GNG2: variants seen among roughly 807,000 people sequenced by gnomAD.
The protein encoded by GNG2 is G protein subunit gamma 2.
In GNG2, 5 loss-of-function variants were observed where a neutral mutation model predicts 5.5. The ratio of observed to expected loss-of-function variants is 0.91; its 90% confidence interval spans 0.48 to 1.92. The LOEUF (loss-of-function observed/expected upper bound fraction) is 1.92. GNG2 is among the 30% of genes most tolerant of loss of function. The pLI, the probability that GNG2 is intolerant of heterozygous loss-of-function variation, is 0.01. For missense variants in GNG2, 55 were observed against 88.4 expected (o/e 0.62, Z 1.52); for synonymous variants, 28 against 32.0 (o/e 0.88, Z 0.42).
intron 2 of GNG2, among the ~76,000 whole-genome samples, chr14:51,906,171 T>C (rs1885901992): frequency 6.6e-6 from 1 of 152,268 alleles, no homozygotes; most frequent in East Asian, 1.9e-4. Context: ...CAAGAATTTT[T>C]ACTCTCTGCC....
chr14:51,829,733 C>T (rs562704898), intron 2 of GNG2, among the ~76,000 whole-genome samples: 7 of 152,134 alleles, frequency 4.6e-5, no homozygotes. Flanking sequence ...TCCACCACTC[C>T]AATTCTGCTC....
At chr14:51,913,170 A>G (rs1031529808) in intron 2 of GNG2, 1 of 152,120 alleles carries the variant, frequency 6.6e-6, no homozygotes. Flanking sequence ...CCTGTAATGT[A>G]TGTTTATGTT....
chr14:51,836,782 G>T, intron 2 of GNG2, among the ~76,000 whole-genome samples: 1 of 149,448 alleles, frequency 6.7e-6, no homozygotes, highest in East Asian at 1.9e-4. Context: ...AAACCTTAAT[G>T]CTAACCTATC....
In GNG2 at chr14:51,866,611, A is replaced by G. The variant is rs192518370; in HGVS notation, c.-71+5821A>G. On this transcript the variant is annotated intron_variant, in intron 1 of 3. Transcript: ENST00000556766. ...ACTTCTATGGGCTGGAAAGTCCAAG[A>G]TCAAGGTACTGGCAGATTTGATGTC... is the stretch of plus-strand genomic sequence containing the variant. Among the ~76,000 whole-genome samples the G allele has an allele frequency of 1.6e-4, 24 of 152,216 alleles. 1 individual carries two copies. The East Asian group carries it at 3.7e-3, about 23-fold the overall frequency.
intron 2 of GNG2, among the ~76,000 whole-genome samples, chr14:51,910,855 G>C (rs1041200109): frequency 4.6e-5 from 7 of 152,214 alleles, no homozygotes; most frequent in African/African-American, 1.7e-4. Flanking sequence ...AATGTAAAAA[G>C]CCCATGGCAG....
At chr14:51,931,381 A>G (rs1048179009) in intron 2 of GNG2, among the ~76,000 whole-genome samples, 2 of 152,148 alleles carry the variant, frequency 1.3e-5, no homozygotes, top group Admixed American at 1.3e-4. Context: ...GGAAAAGAAG[A>G]GTTTGGTTTG....
At chr14:51,897,350 C>T (rs1463692841) in intron 2 of GNG2, among the ~76,000 whole-genome samples, 1 of 152,126 alleles carries the variant, frequency 6.6e-6, no homozygotes, top group Non-Finnish European at 1.5e-5. Flanking sequence ...TTTGTAATGT[C>T]AGGCAGCTGT....
chr14:51,949,260 G>T (rs1441809717), intron 2 of GNG2, among the ~76,000 whole-genome samples: 1 of 152,088 alleles, frequency 6.6e-6, no homozygotes, highest in African/African-American at 2.4e-5. Flanking sequence ...GTTACAGAGA[G>T]TTATACCTAA....
intron 1 of GNG2, among the ~76,000 whole-genome samples, chr14:51,871,923 A>G (rs1213338936): frequency 6.6e-6 from 1 of 152,222 alleles, no homozygotes; most frequent in African/African-American, 2.4e-5. Context: ...TCCACTTCCC[A>G]GTCTGCTTTG....
At position 51,966,735 on chromosome 14, in the gene GNG2, G is replaced by A; in HGVS notation, c.*48G>A. 3.2e-6 allele frequency: 5 copies of A among 1,577,580 alleles called. No homozygotes were observed. Among genetic ancestry groups the A allele is most frequent in the Non-Finnish European group, 4.4e-6 (5 of 1,147,786 alleles). ...GCCTCCGGGCTCCTGGGACATTGAT[G>A]TAGAGTTTTTAGTGAAGTGGGCACC... On this transcript the variant is annotated 3_prime_UTR_variant, in exon 4 of 4. Transcript: ENST00000556766.
intron 2 of GNG2, among the ~76,000 whole-genome samples, chr14:51,855,079 C>A (rs1028102421): frequency 6.6e-6 from 1 of 152,158 alleles, no homozygotes; most frequent in Non-Finnish European, 1.5e-5. Flanking sequence ...TCACCGATAG[C>A]CTCCCCAGGA....
intron 3 of GNG2, among the ~76,000 whole-genome samples, chr14:51,958,416 C>G (rs1346419662): frequency 1.4e-5 from 2 of 142,438 alleles, no homozygotes; most frequent in East Asian, 4.1e-4. Flanking sequence ...GTCATACAAT[C>G]AGTCTGTCTC....
At chr14:51,855,076 T>C (rs942229887) in intron 2 of GNG2, among the ~76,000 whole-genome samples, 3 of 152,174 alleles carry the variant, frequency 2.0e-5, no homozygotes, top group Admixed American at 2.0e-4. Flanking sequence ...TCATCACCGA[T>C]AGCCTCCCCA....
At chr14:51,959,459 TAATCCATTAGAA>T (rs1456127379) in intron 3 of GNG2, among the ~76,000 whole-genome samples, 1 of 152,170 alleles carries the variant, frequency 6.6e-6, no homozygotes, top group Non-Finnish European at 1.5e-5. Context: ...ACTGTGCATC[TAATCCATTAGAA>T]AATCCTGGTG....
chr14:51,891,934 C>T lies in GNG2; in HGVS notation c.-30+14277C>T, dbSNP rs74993039. Among the ~76,000 whole-genome samples the T allele has an allele frequency of 4.1e-3, 627 of 152,252 alleles. 8 individuals carry two copies. The highest frequency in any genetic ancestry group is 0.011 in the South Asian group (55 of 4,818). ...TTCACATTCAGGAGTTTTTCTAGGACGTATACTTTGGAGTTCAGTTGCTAA... is the reference window on the plus strand; with the variant it reads ...TTCACATTCAGGAGTTTTTCTAGGATGTATACTTTGGAGTTCAGTTGCTAA... On this transcript the variant is annotated intron_variant, in intron 2 of 3. Coordinates refer to ENST00000556766, the MANE Select transcript of GNG2 (RefSeq NM_053064.5).
intron 2 of GNG2, among the ~76,000 whole-genome samples, chr14:51,842,647 A>T (rs1881514625): frequency 6.6e-6 from 1 of 151,060 alleles, no homozygotes; most frequent in Admixed American, 6.6e-5. Context: ...CCTTTTTCAG[A>T]GTACAGTTAT....
intron 2 of GNG2, among the ~76,000 whole-genome samples, chr14:51,948,405 C>T (rs7160163): frequency 0.059 from 9,042 of 152,264 alleles, 531 homozygotes; most frequent in East Asian, 0.28. Flanking sequence ...TTTGGTAATT[C>T]TGTGATAGTC....
intron 2 of GNG2, among the ~76,000 whole-genome samples, chr14:51,948,874 C>G (rs1888796907): frequency 6.6e-6 from 1 of 152,038 alleles, no homozygotes; most frequent in East Asian, 1.9e-4. Context: ...GTAATCGCAG[C>G]ACTTTGGGAG....
intron 2 of GNG2, among the ~76,000 whole-genome samples, chr14:51,923,920 C>A (rs973225551): frequency 6.6e-6 from 1 of 152,110 alleles, no homozygotes; most frequent in African/African-American, 2.4e-5. Flanking sequence ...TCAGCAGGAA[C>A]GGGCAACAAA....
Sources: allele counts gnomAD v4.1 joint callset (sites outside exome capture counted in the v4.1 genomes callset), GRCh38; gene constraint gnomAD v4.1.1; transcripts MANE v1.5; gene names NCBI Gene and HGNC (gene_info 2026-07-23, HGNC 2026-07-21).